Variants in RNF17 observed in about 807,000 individuals in gnomAD.
RNF17 encodes ring finger protein 17.
In RNF17, 31 loss-of-function variants were observed where a neutral mutation model predicts 200.5. The observed-to-expected ratio is 0.15, with a 90% confidence interval of 0.12 to 0.21. RNF17 has a LOEUF of 0.21. RNF17 is among the 10% of genes least tolerant of loss of function. The probability of loss-of-function intolerance (pLI) is 1.00; values close to 1 mark genes in which losing one functional copy is unlikely to be tolerated. For missense variants in RNF17, 1,628 were observed against 1,905.1 expected, an observed-to-expected ratio of 0.85 and a Z score of 2.71; for synonymous variants, 606 against 637.8, an observed-to-expected ratio of 0.95 and a Z score of 0.75.
intron 14 of RNF17, among the ~76,000 whole-genome samples, chr13:24,803,389 C>G (rs998255468): frequency 6.6e-6 from 1 of 152,176 alleles, no homozygotes; most frequent in African/African-American, 2.4e-5. Flanking sequence ...CCTCTGCCTC[C>G]CCAGGTTCTG....
chr13:24,839,087 T>A (rs60351812), intron 18 of RNF17, among the ~76,000 whole-genome samples: 15,928 of 151,646 alleles, frequency 0.11, 1,039 homozygotes, highest in Admixed American at 0.14. Context: ...TGCAAAAAAA[T>A]AAAATACTTA....
chr13:24,758,984 C>G, the RNF17 span, among the ~76,000 whole-genome samples: 1 of 149,168 alleles, frequency 6.7e-6, no homozygotes, highest in Non-Finnish European at 1.5e-5. Context: ...GGAGGCTGAG[C>G]CAGGGGAATC....
At chr13:24,883,513 C>T, downstream of RNF17, 1 of 639,632 alleles carries the variant, frequency 1.6e-6, no homozygotes, top group Non-Finnish European at 2.7e-6. Context: ...TTGTAACTTT[C>T]TACAGTGTTT....
chr13:24,822,252 G>A (rs1050777155), intron 15 of RNF17, among the ~76,000 whole-genome samples: 6 of 152,056 alleles, frequency 3.9e-5, no homozygotes, highest in South Asian at 2.1e-4. Flanking sequence ...GGATGGAGCC[G>A]CCATTTTGAA....
chr13:24,857,452 T>C (rs1293090795), intron 25 of RNF17, among the ~76,000 whole-genome samples: 1 of 152,172 alleles, frequency 6.6e-6, no homozygotes, highest in Non-Finnish European at 1.5e-5. Flanking sequence ...GCTGCTAAAA[T>C]GACTCTTAGA....
chr13:24,836,960 C>A (rs879837858), intron 18 of RNF17, among the ~76,000 whole-genome samples: 5 of 152,098 alleles, frequency 3.3e-5, no homozygotes, highest in Admixed American at 2.0e-4. Flanking sequence ...ACCAACCAAC[C>A]ATCTCCTGCC....
intron 6 of RNF17, among the ~76,000 whole-genome samples, chr13:24,783,518 C>T (rs1377130969): frequency 6.6e-6 from 1 of 152,158 alleles, no homozygotes; most frequent in Non-Finnish European, 1.5e-5. Context: ...AATCTATGCA[C>T]ATGGGATGTC....
At chr13:24,864,487 CCCA>C (rs1162120833) in intron 28 of RNF17, among the ~76,000 whole-genome samples, 1 of 152,122 alleles carries the variant, frequency 6.6e-6, no homozygotes, top group African/African-American at 2.4e-5. Context: ...TGTTTCGAGT[CCCA>C]CCAATTTTGG....
At chr13:24,861,447 T>C in intron 27 of RNF17, 60 bp downstream of exon 27, 3 of 1,162,842 alleles carry the variant, frequency 2.6e-6, no homozygotes, top group Non-Finnish European at 3.5e-6. Flanking sequence ...ATTAATAATT[T>C]TTTAGAAATA....
intron 6 of RNF17, among the ~76,000 whole-genome samples, chr13:24,783,342 T>G (rs1216513060): frequency 6.6e-6 from 1 of 152,248 alleles, no homozygotes; most frequent in Admixed American, 6.5e-5. Flanking sequence ...CCTACAACTT[T>G]GTTCCTTTTC....
intron 31 of RNF17, 100 bp downstream of exon 31, chr13:24,868,816 C>G: frequency 1.4e-6 from 1 of 713,596 alleles, no homozygotes; most frequent in South Asian, 1.6e-5. Context: ...TTCCTGATTT[C>G]AAATGTTGCA....
At chr13:24,794,219 A>G (rs978739942) in intron 10 of RNF17, 1 of 456,670 alleles carries the variant, frequency 2.2e-6, no homozygotes, top group Non-Finnish European at 4.4e-6. Flanking sequence ...AGAAAAACTC[A>G]TCTGTTCCTT....
intron 15 of RNF17, among the ~76,000 whole-genome samples, chr13:24,805,940 G>A (rs755783104): frequency 1.3e-4 from 19 of 151,754 alleles, no homozygotes; most frequent in Middle Eastern, 3.4e-3. Flanking sequence ...TGCAGAACAT[G>A]CAGGTTTGTT....
rs190669869 is a variant in RNF17 at position 24,829,290 on chromosome 13, C to T, written c.2246-1194C>T. Reference sequence around the variant, plus strand: ...ATCTTCCCATAGTTTCTCCAGAGAACATAAATGGGGAAATTTGAGACCTTC... The same window carrying T: ...ATCTTCCCATAGTTTCTCCAGAGAATATAAATGGGGAAATTTGAGACCTTC... On this transcript the variant is annotated intron_variant, in intron 16 of 35. Transcript: ENST00000255324. Among the ~76,000 whole-genome samples, 224 of 152,290 alleles carry T rather than the reference C, an allele frequency of 1.5e-3. 1 individual carries two copies. The highest frequency in any genetic ancestry group is 5.2e-3 in the African/African-American group (217 of 41,560).
chr13:24,795,605 T>C (rs1028504038), intron 10 of RNF17, among the ~76,000 whole-genome samples: 1 of 152,162 alleles, frequency 6.6e-6, no homozygotes, highest in Non-Finnish European at 1.5e-5. Context: ...TAAATGCTGC[T>C]CAGTACTTTG....
intron 11 of RNF17, 56 bp downstream of exon 11, chr13:24,796,351 C>G (rs1396094498): frequency 1.6e-6 from 2 of 1,229,308 alleles, no homozygotes; most frequent in Non-Finnish European, 2.2e-6. Flanking sequence ...AATATAATAA[C>G]TTGGCCAACC....
chr13:24,791,635 G>A (rs140171976), intron 9 of RNF17, among the ~76,000 whole-genome samples: 81 of 152,240 alleles, frequency 5.3e-4, no homozygotes, highest in Non-Finnish European at 9.3e-4. Context: ...TAGGTGGATT[G>A]TCTCCAATGG....
intron 6 of RNF17, among the ~76,000 whole-genome samples, chr13:24,782,953 CAT>C (rs1276402932): frequency 1.3e-5 from 2 of 150,664 alleles, no homozygotes; most frequent in Non-Finnish European, 2.9e-5. Flanking sequence ...CTTTTGGTGT[CAT>C]ATTCAAGATA....
chr13:24,799,754 T>C (rs1175785175), intron 12 of RNF17, among the ~76,000 whole-genome samples, 170 bp downstream of exon 12: 3 of 152,132 alleles, frequency 2.0e-5, no homozygotes, highest in Non-Finnish European at 4.4e-5. Flanking sequence ...AGTAAAACTT[T>C]ATCATTTACC....
Sources: gnomAD v4.1 joint callset for allele counts (sites outside exome capture counted in the v4.1 genomes callset) on GRCh38, gnomAD v4.1.1 for gene constraint, MANE v1.5 for transcripts, NCBI Gene and HGNC (gene_info 2026-07-23, HGNC 2026-07-21) for gene names.